ZNF560: variants seen among roughly 807,000 people sequenced by gnomAD.
ZNF560 encodes the protein zinc finger protein 560.
Under a neutral mutation model 81.8 loss-of-function variants are expected in ZNF560, and 54 were observed. The ratio of observed to expected loss-of-function variants is 0.66; its 90% CI spans 0.53 to 0.83. The LOEUF (loss-of-function observed/expected upper bound fraction) is 0.83. ZNF560 is among the 40% of genes least tolerant of loss of function. The pLI is 0.00. For synonymous variants in ZNF560, 321 were observed against 317.9 expected (o/e 1.01, Z -0.10); for missense variants, 940 against 932.4 (o/e 1.01, Z -0.11).
chr19:9,459,683 TG>T, the ZNF560 span, among the ~76,000 whole-genome samples: 1 of 151,994 alleles, frequency 6.6e-6, no homozygotes, highest in Non-Finnish European at 1.5e-5. Flanking sequence ...CGTGTGGACA[TG>T]GGGGTAGACA....
chr19:9,454,253 G>C, the ZNF560 span, among the ~76,000 whole-genome samples: 1 of 152,164 alleles, frequency 6.6e-6, no homozygotes. Flanking sequence ...TAAATAGTTG[G>C]GTCAAACTCT....
chr19:9,453,939 G>T, the ZNF560 span, among the ~76,000 whole-genome samples: 1 of 152,186 alleles, frequency 6.6e-6, no homozygotes, highest in Admixed American at 6.5e-5. Flanking sequence ...ACATAAACAG[G>T]CCATGAGAAA....
the ZNF560 span, among the ~76,000 whole-genome samples, chr19:9,506,174 G>C: frequency 2.1e-3 from 316 of 151,894 alleles, 2 homozygotes; most frequent in African/African-American, 7.3e-3. Flanking sequence ...TGTATTTTTA[G>C]TAGAGACAGG....
rs759782520 is a variant in ZNF560, at chr19:9,466,803, T to A, written c.2144A>T (p.Lys715Met). The A allele has an allele frequency of 6.8e-6, 11 of 1,614,020 alleles. No individual in the cohort carries two copies. Among genetic ancestry groups the A allele is most frequent in the Non-Finnish European group, 9.3e-6 (11 of 1,179,976 alleles). ...TLTKIKPYKC[K>M]DCGKAFTCHS... ...ACAAGTGAAGGCTTTCCCACAGTCC[T>A]TACATTTATAGGGTTTTATTTTGGT... is the stretch of plus-strand genomic sequence containing the variant. The change falls in exon 10 of 10, where the codon AAG (lysine) becomes ATG (methionine). Residue 715 changes from lysine to methionine, a missense_variant. Lys to Met is a moderately conservative substitution (Grantham distance 95). Transcript: ENST00000301480.
the ZNF560 span, among the ~76,000 whole-genome samples, chr19:9,451,420 G>A: frequency 6.6e-6 from 1 of 152,224 alleles, no homozygotes; most frequent in Non-Finnish European, 1.5e-5. Context: ...CTAGCCATAT[G>A]CAGAAGAATA....
chr19:9,467,308 T>TA lies in ZNF560; in HGVS notation c.1638dup (p.Lys547Ter), dbSNP rs1568449740. ...TTAGTGAAAGCTTTACCACATTTCT[T>TA]ACATTGATAGAGTCTCTCTTCTGTG... On this transcript the variant is annotated frameshift_variant, in exon 10 of 10. Coordinates refer to ENST00000301480, the MANE Select transcript of ZNF560 (RefSeq NM_152476.3). LOFTEE classifies it high-confidence loss of function. The TA allele has an allele frequency of 1.9e-6, 3 of 1,614,156 alleles. No homozygotes were observed. The highest frequency in any genetic ancestry group is 2.5e-6 in the Non-Finnish European group (3 of 1,179,984).
At chr19:9,466,058 G>C (rs144717152), downstream of ZNF560, among the ~76,000 whole-genome samples, 1 of 151,902 alleles carries the variant, frequency 6.6e-6, no homozygotes, top group Non-Finnish European at 1.5e-5. Flanking sequence ...AGTAAGATGA[G>C]AAGAATGCCA....
In ZNF560 at chr19:9,498,576, G is replaced by A. The variant is rs1392151533; in HGVS notation, c.-183C>T. 6.6e-6 allele frequency: 1 copy of A among 152,310 alleles called. No homozygotes were observed. The highest frequency in any genetic ancestry group is 2.4e-5 in the African/African-American group (1 of 41,462). The allele number at this position is 152,310 out of a possible 1,614,324, so 9.4% of individuals were successfully genotyped here. On this transcript the variant is annotated 5_prime_UTR_variant, in exon 1 of 10. Transcript: ENST00000301480. ...GACCAGACAACACAAAGGAAAAAGT[G>A]GCTCTGAGGAAACAGGCGCCAGCGA...
chr19:9,461,364 T>G (rs538545010), downstream of ZNF560, among the ~76,000 whole-genome samples: 5 of 152,174 alleles, frequency 3.3e-5, no homozygotes, highest in East Asian at 9.7e-4. Flanking sequence ...CAAGAAGGAG[T>G]TGGTTACCGG....
the ZNF560 span, among the ~76,000 whole-genome samples, chr19:9,506,586 TTTA>T: frequency 1.3e-5 from 2 of 152,208 alleles, no homozygotes; most frequent in Non-Finnish European, 2.9e-5. Context: ...ACTAGAGATC[TTTA>T]TTTCTCCACA....
At chr19:9,446,873 A>G in the ZNF560 span, among the ~76,000 whole-genome samples, 1 of 152,124 alleles carries the variant, frequency 6.6e-6, no homozygotes, top group African/African-American at 2.4e-5. Flanking sequence ...GCTGGATGCC[A>G]TGGCTCACAC....
intron 2 of ZNF560, among the ~76,000 whole-genome samples, chr19:9,493,161 G>GA (rs1223919821): frequency 1.3e-5 from 2 of 152,078 alleles, no homozygotes; most frequent in African/African-American, 4.8e-5. Flanking sequence ...AATTACCGTA[G>GA]AAAAAAGGCA....
intron 2 of ZNF560, among the ~76,000 whole-genome samples, chr19:9,495,549 A>T (rs1460018849): frequency 6.6e-6 from 1 of 152,132 alleles, no homozygotes; most frequent in Non-Finnish European, 1.5e-5. Flanking sequence ...CTACAAAAAA[A>T]TACCAAAATT....
Position 9,468,027 on chromosome 19 carries a change from AG to A in ZNF560, c.919del (p.Glu308LysfsTer30). 6.2e-7 allele frequency: 1 copy of A among 1,614,166 alleles called. No homozygotes were observed. Among genetic ancestry groups the A allele is most frequent in the Non-Finnish European group, 8.5e-7 (1 of 1,180,030 alleles). On this transcript the variant is annotated frameshift_variant, in exon 10 of 10. Transcript: ENST00000301480. LOFTEE classifies it high-confidence loss of function. ...ACTCTGAGTTTTCCTGTGTGCTTCA[AG>A]GTATGACTGATAAATGAAGGCTTTC... ...YGKAFIYQSY[L>X]EAHRKTQSGE...
chr19:9,469,154 G>A lies in ZNF560; in HGVS notation c.563C>T (p.Ala188Val), dbSNP rs201052795. Residue 188 changes from alanine (A) to valine (V), a missense_variant, in exon 9 of 10, where the codon GCC (alanine) becomes GTC (valine). Coordinates refer to ENST00000301480, the MANE Select transcript of ZNF560 (RefSeq NM_152476.3). Reference protein sequence around the residue: ...WKMCLKTKGPALWQDNFCLKT... With the variant: ...WKMCLKTKGPVLWQDNFCLKT... ...TAAACAAAAATTATCTTGCCAAAGGGCTGGCCCTTTGGTTTTCAGGCACAT... is the reference window on the plus strand; with the variant it reads ...TAAACAAAAATTATCTTGCCAAAGGACTGGCCCTTTGGTTTTCAGGCACAT... The A allele has an allele frequency of 6.4e-5, 102 of 1,598,574 alleles. 1 individual carries two copies. The Middle Eastern group carries it at 1.3e-3, about 21-fold the overall frequency.
chr19:9,501,757 C>T (rs977496711), upstream of ZNF560, among the ~76,000 whole-genome samples: 1 of 152,056 alleles, frequency 6.6e-6, no homozygotes, highest in Admixed American at 6.6e-5. Context: ...CCCTGGGCCT[C>T]CCAAAGTGCT....
chr19:9,480,183 T>A (rs2073264567), intron 2 of ZNF560, among the ~76,000 whole-genome samples: 1 of 152,098 alleles, frequency 6.6e-6, no homozygotes, highest in Non-Finnish European at 1.5e-5. Context: ...TCTTCTCAAG[T>A]GCACACAGAA....
In ZNF560 at chr19:9,492,332, G is replaced by A. The variant is rs1395293475; in HGVS notation, c.-57+5796C>T. Among the ~76,000 whole-genome samples the A allele has an allele frequency of 2.0e-5, 3 of 152,108 alleles. No homozygotes were observed. The East Asian group carries it at 5.8e-4, about 29-fold the overall frequency. Reference sequence around the variant, plus strand: ...AGGTGACTAAGATTCATCTTCACTGGAATAGACTCGTGTTCTGGATATGGA... The same window carrying A: ...AGGTGACTAAGATTCATCTTCACTGAAATAGACTCGTGTTCTGGATATGGA... On this transcript the variant is annotated intron_variant, in intron 2 of 9. Transcript: ENST00000301480.
intron 2 of ZNF560, among the ~76,000 whole-genome samples, chr19:9,478,696 G>A (rs907560640): frequency 2.9e-4 from 44 of 152,002 alleles, no homozygotes; most frequent in African/African-American, 9.7e-5. Context: ...CACAGTTATC[G>A]GCTTAAAATA....
Sources: allele counts gnomAD v4.1 joint callset (sites outside exome capture counted in the v4.1 genomes callset), GRCh38; gene constraint gnomAD v4.1.1; transcripts MANE v1.5; gene names NCBI Gene and HGNC (gene_info 2026-07-23, HGNC 2026-07-21).